KCNMB2: variants seen among roughly 807,000 people sequenced by gnomAD.
KCNMB2 encodes the protein calcium-activated potassium channel subunit beta-2.
Under a neutral mutation model 24.5 loss-of-function variants are expected in KCNMB2, and 9 were observed. That is an observed-to-expected ratio of 0.37 (90% CI 0.22 to 0.64). The LOEUF is 0.64. Ranked by LOEUF, KCNMB2 falls within the 30% of genes least tolerant of loss-of-function variation. The pLI is 0.63. For missense variants in KCNMB2, 226 were observed against 284.3 expected, an observed-to-expected ratio of 0.79 and a Z score of 1.47; for synonymous variants, 109 against 104.4, an observed-to-expected ratio of 1.04 and a Z score of -0.27.
rs371179258 is a variant in KCNMB2 at position 178,541,382 on chromosome 3, A to G, written c.-68+4671A>G. ...AATGAGGAAAGGGATGGTAAAACCA[A>G]GTTGGAAGGGATGATTGGGGTCAGT... On this transcript the variant is annotated intron_variant, in intron 1 of 4. Coordinates refer to ENST00000452583, the MANE Select transcript of KCNMB2 (RefSeq NM_181361.3). 3.3e-4 allele frequency among the ~76,000 whole-genome samples: 50 copies of G among 152,272 alleles called. No homozygotes were observed. In the South Asian group the frequency reaches 0.01, roughly 31 times the overall value.
intron 1 of KCNMB2, among the ~76,000 whole-genome samples, chr3:178,766,716 G>A (rs1712135427): frequency 6.6e-6 from 1 of 152,148 alleles, no homozygotes; most frequent in Non-Finnish European, 1.5e-5. Flanking sequence ...TTATTCACTT[G>A]ATTTGATATG....
At chr3:178,538,390 T>C (rs1461361938) in intron 1 of KCNMB2, among the ~76,000 whole-genome samples, 1 of 152,242 alleles carries the variant, frequency 6.6e-6, no homozygotes, top group African/African-American at 2.4e-5. Flanking sequence ...AGAATGCATG[T>C]ATAGAAAGAG....
chr3:178,824,576 A>G (rs376858802), intron 2 of KCNMB2: 56 of 166,296 alleles, frequency 3.4e-4, no homozygotes, highest in African/African-American at 6.5e-4. Context: ...GGGTTTCACC[A>G]TGTTAGCCAG....
intron 1 of KCNMB2, among the ~76,000 whole-genome samples, chr3:178,560,936 C>G (rs1410712167): frequency 2.6e-5 from 4 of 152,172 alleles, no homozygotes; most frequent in Non-Finnish European, 5.9e-5. Context: ...TCCTTAGGCG[C>G]AGCACTGTTT....
intron 1 of KCNMB2, among the ~76,000 whole-genome samples, chr3:178,745,635 G>C (rs902704286): frequency 2.6e-5 from 4 of 152,112 alleles, no homozygotes; most frequent in African/African-American, 9.7e-5. Flanking sequence ...TCTGAAAAAA[G>C]GCAAGTCCCT....
chr3:178,809,526 T>C (rs1323676050), intron 2 of KCNMB2, among the ~76,000 whole-genome samples: 2 of 152,150 alleles, frequency 1.3e-5, no homozygotes, highest in Non-Finnish European at 2.9e-5. Flanking sequence ...AACTAGCCAG[T>C]GATGGAATCA....
chr3:178,815,026 G>GTCTTT (rs1469086546), intron 2 of KCNMB2, among the ~76,000 whole-genome samples: 1 of 136,282 alleles, frequency 7.3e-6, no homozygotes, highest in Non-Finnish European at 1.5e-5. Context: ...TTTGAGCACT[G>GTCTTT]TCTTTTTTTT....
At chr3:178,636,535 T>C (rs542513924) in intron 1 of KCNMB2, among the ~76,000 whole-genome samples, 10 of 152,240 alleles carry the variant, frequency 6.6e-5, no homozygotes, top group Non-Finnish European at 1.0e-4. Flanking sequence ...TGCCTTGTGA[T>C]ATCACTGTGC....
intron 1 of KCNMB2, among the ~76,000 whole-genome samples, chr3:178,571,860 A>G (rs1009927831): frequency 6.6e-6 from 1 of 152,050 alleles, no homozygotes; most frequent in African/African-American, 2.4e-5. Flanking sequence ...AAGGACATGA[A>G]GTCATTCCTT....
chr3:178,715,424 A>G (rs1722590107), intron 1 of KCNMB2, among the ~76,000 whole-genome samples: 1 of 149,330 alleles, frequency 6.7e-6, no homozygotes, highest in South Asian at 2.1e-4. Flanking sequence ...ATAGAGAAAG[A>G]TTCCTTCTGT....
At chr3:178,622,999 T>C (rs1022194894) in intron 1 of KCNMB2, among the ~76,000 whole-genome samples, 2 of 152,224 alleles carry the variant, frequency 1.3e-5, no homozygotes, top group African/African-American at 4.8e-5. Context: ...TATTCAACAT[T>C]AGACACGTCA....
chr3:178,551,517 A>C (rs1366501473), intron 1 of KCNMB2, among the ~76,000 whole-genome samples: 1 of 152,194 alleles, frequency 6.6e-6, no homozygotes, highest in Non-Finnish European at 1.5e-5. Flanking sequence ...AGACATGTGC[A>C]TTTTCAGAGA....
chr3:178,650,937 A>T (rs926610927), intron 1 of KCNMB2, among the ~76,000 whole-genome samples: 9 of 152,116 alleles, frequency 5.9e-5, no homozygotes, highest in Non-Finnish European at 1.2e-4. Context: ...TTTATGAAAA[A>T]CCCACAGCCA....
chr3:178,633,261 A>G (rs1039468804), intron 1 of KCNMB2, among the ~76,000 whole-genome samples: 3 of 152,164 alleles, frequency 2.0e-5, no homozygotes, highest in South Asian at 2.1e-4. Context: ...CAGTGCCTCA[A>G]TGGGGACTCT....
intron 3 of KCNMB2, among the ~76,000 whole-genome samples, chr3:178,827,820 T>C (rs10936978): frequency 0.65 from 98,187 of 151,984 alleles, 33,611 homozygotes; most frequent in African/African-American, 0.87. Context: ...GGCTGGAGCA[T>C]GTCAAGAAGC....
chr3:178,542,039 C>T (rs184654545), intron 1 of KCNMB2, among the ~76,000 whole-genome samples: 1 of 152,132 alleles, frequency 6.6e-6, no homozygotes, highest in Non-Finnish European at 1.5e-5. Flanking sequence ...AATAGGGGAA[C>T]AACACAGCAG....
chr3:178,586,975 G>A (rs1274293325), intron 1 of KCNMB2, among the ~76,000 whole-genome samples: 4 of 151,960 alleles, frequency 2.6e-5, no homozygotes, highest in African/African-American at 7.3e-5. Context: ...ACTAAAATGT[G>A]GATTAAAACC....
intron 1 of KCNMB2, among the ~76,000 whole-genome samples, chr3:178,599,561 A>C (rs1718004660): frequency 1.3e-5 from 2 of 152,124 alleles, no homozygotes; most frequent in African/African-American, 4.8e-5. Context: ...CTTACACATG[A>C]CTTTTTTTTA....
At chr3:178,621,060 G>C (rs1044415311) in intron 1 of KCNMB2, among the ~76,000 whole-genome samples, 1 of 152,134 alleles carries the variant, frequency 6.6e-6, no homozygotes, top group Non-Finnish European at 1.5e-5. Context: ...TGGTCAAAGG[G>C]GTGCTTTAGG....
Sources: allele counts gnomAD v4.1 joint callset (sites outside exome capture counted in the v4.1 genomes callset), GRCh38; gene constraint gnomAD v4.1.1; transcripts MANE v1.5; gene names NCBI Gene and HGNC (gene_info 2026-07-23, HGNC 2026-07-21).